Variants in EPS15L1 observed in about 807,000 individuals in gnomAD.
EPS15L1 encodes the protein epidermal growth factor receptor pathway substrate 15 like 1, also known as epidermal growth factor receptor substrate 15-like 1.
EPS15L1 carries 43 observed loss-of-function variants against 117.1 expected under a neutral mutation model. That is an observed-to-expected ratio of 0.37 (90% CI 0.29 to 0.47). EPS15L1 has a LOEUF of 0.47. Among genes scored for constraint, EPS15L1 ranks in the 20% least tolerant of loss-of-function variants. The probability of loss-of-function intolerance (pLI) is 0.99; values close to 1 mark genes in which losing one functional copy is unlikely to be tolerated. For synonymous variants in EPS15L1, 459 were observed against 470.5 expected (o/e 0.98, Z 0.32); for missense variants, 981 against 1,164.0 (o/e 0.84, Z 2.29).
intron 19 of EPS15L1, 43 bp from the exon 20 acceptor site, chr19:16,386,274 G>A (rs200435689): frequency 2.5e-5 from 38 of 1,496,782 alleles, no homozygotes; most frequent in Admixed American, 2.4e-4. Context: ...CAGTTCGTTG[G>A]TTCCATCACC....
chr19:16,391,843 G>C (rs2092478655), intron 19 of EPS15L1, among the ~76,000 whole-genome samples: 1 of 152,092 alleles, frequency 6.6e-6, no homozygotes, highest in African/African-American at 2.4e-5. Context: ...CGTGACGGGA[G>C]CACCTACCAA....
intron 21 of EPS15L1, among the ~76,000 whole-genome samples, chr19:16,377,963 G>T (rs2092316200): frequency 6.6e-6 from 1 of 152,184 alleles, no homozygotes; most frequent in African/African-American, 2.4e-5. Flanking sequence ...ACCCAAATCG[G>T]ACCATATCCT....
chr19:16,442,153 C>T (rs766169372), intron 2 of EPS15L1, 25 bp downstream of exon 2: 5 of 1,604,762 alleles, frequency 3.1e-6, no homozygotes, highest in Non-Finnish European at 4.3e-6. Flanking sequence ...CTAGTTCCAT[C>T]TGAAGAGACA....
At chr19:16,453,721 GA>G (rs140940408) in intron 1 of EPS15L1, among the ~76,000 whole-genome samples, 63 of 147,204 alleles carry the variant, frequency 4.3e-4, no homozygotes, top group African/African-American at 1.3e-3. Context: ...TCAAAAAAAA[GA>G]AAAAAAAAAT....
intron 1 of EPS15L1, among the ~76,000 whole-genome samples, chr19:16,448,527 A>G (rs2093107355): frequency 7.0e-6 from 1 of 142,714 alleles, no homozygotes; most frequent in Admixed American, 7.0e-5. Context: ...AATAAGAGCA[A>G]AATTCCGTAT....
intron 22 of EPS15L1, among the ~76,000 whole-genome samples, chr19:16,368,505 T>A (rs527439484): frequency 6.6e-6 from 1 of 152,260 alleles, no homozygotes; most frequent in East Asian, 1.9e-4. Flanking sequence ...CAACTGTCAT[T>A]CACCCTACAC....
intron 1 of EPS15L1, among the ~76,000 whole-genome samples, chr19:16,468,361 T>C (rs1022668514): frequency 6.6e-6 from 1 of 152,210 alleles, no homozygotes; most frequent in Non-Finnish European, 1.5e-5. Context: ...GCTGACTTTT[T>C]TTGAGACTGA....
At chr19:16,382,620 G>A (rs1456068092) in intron 21 of EPS15L1, among the ~76,000 whole-genome samples, 1 of 151,294 alleles carries the variant, frequency 6.6e-6, no homozygotes. Flanking sequence ...TTTCACAGAT[G>A]GCTTTTTTTT....
chr19:16,432,919 C>T (rs1424662985), intron 7 of EPS15L1, among the ~76,000 whole-genome samples: 1 of 151,982 alleles, frequency 6.6e-6, no homozygotes, highest in African/African-American at 2.4e-5. Flanking sequence ...ATTCTCCCAC[C>T]TCAACCTCTA....
chr19:16,407,363 C>T (rs1238646022), intron 13 of EPS15L1, among the ~76,000 whole-genome samples: 2 of 152,080 alleles, frequency 1.3e-5, no homozygotes, highest in South Asian at 2.1e-4. Flanking sequence ...TGGAGTGCAG[C>T]GGTGCAGTCT....
chr19:16,420,664 T>C (rs772730725), intron 10 of EPS15L1, among the ~76,000 whole-genome samples: 1 of 152,270 alleles, frequency 6.6e-6, no homozygotes, highest in Non-Finnish European at 1.5e-5. Context: ...TCTTTCCTTT[T>C]GATAGCTCCC....
In EPS15L1 at chr19:16,373,849, G is replaced by A. The variant is rs577924172; in HGVS notation, c.2380+3273C>T. Among the ~76,000 whole-genome samples the A allele has an allele frequency of 5.9e-5, 9 of 152,326 alleles. No homozygotes were observed. The South Asian group carries it at 1.9e-3, about 32-fold the overall frequency. On this transcript the variant is annotated intron_variant, in intron 22 of 23. Transcript: ENST00000455140. The stretch of plus-strand genomic sequence containing the variant: ...TCAGTGTTTGGACTGTTAGAGGTTA[G>A]TACGGAATCACAGCACAAATAATGC...
intron 8 of EPS15L1, among the ~76,000 whole-genome samples, chr19:16,428,153 A>G (rs2092891137): frequency 6.7e-6 from 1 of 149,818 alleles, no homozygotes; most frequent in Non-Finnish European, 1.5e-5. Context: ...GTGAACCAAG[A>G]TTACACCACT....
At chr19:16,465,010 C>T (rs1386295629) in intron 1 of EPS15L1, among the ~76,000 whole-genome samples, 2 of 151,070 alleles carry the variant, frequency 1.3e-5, no homozygotes, top group Non-Finnish European at 2.9e-5. Context: ...ACCCAGGAGG[C>T]GGAGCTTGCA....
intron 6 of EPS15L1, chr19:16,435,194 C>T (rs140041191): frequency 0.011 from 1,722 of 152,256 alleles, 24 homozygotes; most frequent in Non-Finnish European, 0.019. Flanking sequence ...TCAAGTGATC[C>T]GCCTGCCTCG....
chr19:16,382,870 C>T (rs1386229048), intron 21 of EPS15L1: 5 of 152,028 alleles, frequency 3.3e-5, no homozygotes, highest in African/African-American at 1.2e-4. Context: ...TCAGCAAAGC[C>T]ACGCAGAGGT....
At chr19:16,421,274 C>T (rs770981299) in intron 10 of EPS15L1, 45 bp downstream of exon 10, 6 of 1,572,988 alleles carry the variant, frequency 3.8e-6, no homozygotes, top group Non-Finnish European at 5.2e-6. Flanking sequence ...CCCACAGGCC[C>T]CCTGGAGCCA....
At chr19:16,455,019 C>T (rs2093181193) in intron 1 of EPS15L1, among the ~76,000 whole-genome samples, 1 of 151,982 alleles carries the variant, frequency 6.6e-6, no homozygotes, top group African/African-American at 2.4e-5. Context: ...ATCCCAGCTA[C>T]TTGGGAGGCT....
At chr19:16,457,464 G>A (rs1020666891) in intron 1 of EPS15L1, among the ~76,000 whole-genome samples, 2 of 152,192 alleles carry the variant, frequency 1.3e-5, no homozygotes, top group African/African-American at 4.8e-5. Flanking sequence ...TGGAGCACCC[G>A]CACCAAAGCA....
Sources: gnomAD v4.1 joint callset for allele counts (sites outside exome capture counted in the v4.1 genomes callset) on GRCh38, gnomAD v4.1.1 for gene constraint, MANE v1.5 for transcripts, NCBI Gene and HGNC (gene_info 2026-07-23, HGNC 2026-07-21) for gene names.